The following GRID2 variants were observed in gnomAD, a reference collection of about 807,000 sequenced individuals.
The protein encoded by GRID2 is glutamate ionotropic receptor delta type subunit 2.
Under a neutral mutation model 114.8 loss-of-function variants are expected in GRID2, and 33 were observed. The ratio of observed to expected loss-of-function variants is 0.29; its 90% CI spans 0.22 to 0.38. GRID2 has a LOEUF of 0.38. Among genes scored for constraint, GRID2 ranks in the 10% least tolerant of loss-of-function variants. The probability of loss-of-function intolerance (pLI) is 1.00; values close to 1 mark genes in which losing one functional copy is unlikely to be tolerated. For missense variants in GRID2, 1,184 were observed against 1,257.7 expected (o/e 0.94, Z 0.89); for synonymous variants, 505 against 449.9 (o/e 1.12, Z -1.55).
chr4:92,353,028 A>G (rs1185719108), intron 1 of GRID2, among the ~76,000 whole-genome samples: 1 of 151,728 alleles, frequency 6.6e-6, no homozygotes, highest in Admixed American at 6.6e-5. Flanking sequence ...TTTGTCCTAC[A>G]GTTTCCTTAA....
At chr4:93,501,267 A>T (rs1356195635) in intron 12 of GRID2, among the ~76,000 whole-genome samples, 1 of 152,060 alleles carries the variant, frequency 6.6e-6, no homozygotes, top group Admixed American at 6.6e-5. Context: ...CTCTCTAAGT[A>T]TCCTTTGTGT....
chr4:93,262,989 A>C (rs1379810961), intron 8 of GRID2, among the ~76,000 whole-genome samples: 1 of 152,006 alleles, frequency 6.6e-6, no homozygotes, highest in Non-Finnish European at 1.5e-5. Context: ...TATCACTACT[A>C]AGGAGTTACA....
intron 2 of GRID2, among the ~76,000 whole-genome samples, chr4:93,054,260 C>T (rs1049168932): frequency 4.0e-5 from 6 of 151,066 alleles, no homozygotes; most frequent in African/African-American, 1.2e-4. Context: ...ATAGCATTCG[C>T]AAAAATTAAG....
At chr4:93,117,820 G>A (rs1326418505) in intron 4 of GRID2, among the ~76,000 whole-genome samples, 1 of 152,082 alleles carries the variant, frequency 6.6e-6, no homozygotes, top group Non-Finnish European at 1.5e-5. Context: ...AGTGCTGTTG[G>A]CCACGAGTTC....
intron 8 of GRID2, among the ~76,000 whole-genome samples, chr4:93,289,800 T>C (rs1753547360): frequency 6.6e-6 from 1 of 152,142 alleles, no homozygotes. Context: ...TTATTGTTAT[T>C]TGTGGGTACG....
intron 2 of GRID2, among the ~76,000 whole-genome samples, chr4:92,850,057 T>C (rs1383272036): frequency 6.6e-6 from 1 of 151,308 alleles, no homozygotes; most frequent in Non-Finnish European, 1.5e-5. Flanking sequence ...TGTGTGTTTT[T>C]CAAAAATGCA....
At chr4:93,420,658 A>ATTAC (rs1768164997) in intron 9 of GRID2, among the ~76,000 whole-genome samples, 1 of 152,074 alleles carries the variant, frequency 6.6e-6, no homozygotes, top group African/African-American at 2.4e-5. Flanking sequence ...AACATGAAAT[A>ATTAC]TTACTATAAT....
intron 1 of GRID2, among the ~76,000 whole-genome samples, chr4:92,528,773 A>G (rs978739422): frequency 1.3e-5 from 2 of 150,418 alleles, no homozygotes; most frequent in Non-Finnish European, 1.5e-5. Flanking sequence ...GCCTCTGAAC[A>G]TGCTCCACTA....
chr4:92,417,065 A>G (rs1185401794), intron 1 of GRID2, among the ~76,000 whole-genome samples: 1 of 152,010 alleles, frequency 6.6e-6, no homozygotes, highest in Non-Finnish European at 1.5e-5. Context: ...GTCGTCTATG[A>G]CTTCTTTCAT....
chr4:93,710,713 G>GA (rs1728409569), intron 14 of GRID2, among the ~76,000 whole-genome samples: 1 of 152,172 alleles, frequency 6.6e-6, no homozygotes, highest in Non-Finnish European at 1.5e-5. Flanking sequence ...GTGCTGTCTG[G>GA]GAGCCAGGAC....
At chr4:93,134,121 G>A (rs1735036075) in intron 4 of GRID2, among the ~76,000 whole-genome samples, 1 of 151,996 alleles carries the variant, frequency 6.6e-6, no homozygotes, top group African/African-American at 2.4e-5. Context: ...GGCCACATTA[G>A]GACTTCTTAG....
At chr4:92,580,495 A>G (rs1217597015) in intron 1 of GRID2, among the ~76,000 whole-genome samples, 15 of 151,976 alleles carry the variant, frequency 9.9e-5, no homozygotes, top group Admixed American at 9.9e-4. Flanking sequence ...GCTCAATTAC[A>G]AGAAACTTAT....
At chr4:92,434,090 G>A (rs749623648) in intron 1 of GRID2, among the ~76,000 whole-genome samples, 13 of 152,128 alleles carry the variant, frequency 8.5e-5, no homozygotes, top group African/African-American at 1.4e-4. Context: ...GAGATAATAC[G>A]TTGTTCTCAG....
intron 9 of GRID2, among the ~76,000 whole-genome samples, chr4:93,411,941 T>TA (rs747148973): frequency 0.037 from 5,150 of 138,686 alleles, 106 homozygotes; most frequent in Middle Eastern, 0.056. Flanking sequence ...ATCTCTCTAT[T>TA]AAAAAAAAAA....
chr4:93,748,225 C>A (rs547741657), intron 14 of GRID2, among the ~76,000 whole-genome samples: 1 of 152,150 alleles, frequency 6.6e-6, no homozygotes, highest in East Asian at 1.9e-4. Flanking sequence ...GGGTCGATAT[C>A]TCAAGTAAGC....
chr4:92,566,925 T>C (rs1727365859), intron 1 of GRID2, among the ~76,000 whole-genome samples: 1 of 152,060 alleles, frequency 6.6e-6, no homozygotes, highest in South Asian at 2.1e-4. Context: ...TATCCCCGTT[T>C]CTGAAGAGCT....
At chr4:93,209,069 A>G (rs1743145728) in intron 5 of GRID2, among the ~76,000 whole-genome samples, 1 of 151,918 alleles carries the variant, frequency 6.6e-6, no homozygotes, top group South Asian at 2.1e-4. Flanking sequence ...TTTCAGTGTA[A>G]AGCTTTGGTT....
intron 8 of GRID2, among the ~76,000 whole-genome samples, chr4:93,348,738 A>G (rs1364148842): frequency 6.6e-6 from 1 of 152,160 alleles, no homozygotes; most frequent in Non-Finnish European, 1.5e-5. Context: ...TATTCTGGGT[A>G]TATATCAGCA....
chr4:93,625,784 G>A (rs1742655241), intron 13 of GRID2, among the ~76,000 whole-genome samples: 1 of 152,044 alleles, frequency 6.6e-6, no homozygotes, highest in Non-Finnish European at 1.5e-5. Context: ...GCGCGGTGGT[G>A]GGCGCCTGTA....
Sources: allele counts gnomAD v4.1 joint callset (sites outside exome capture counted in the v4.1 genomes callset), GRCh38; gene constraint gnomAD v4.1.1; transcripts MANE v1.5; gene names NCBI Gene and HGNC (gene_info 2026-07-23, HGNC 2026-07-21).